The following CHD8 variants were observed in gnomAD, a reference collection of about 807,000 sequenced individuals.
The protein encoded by CHD8 is chromodomain helicase DNA binding protein 8.
Under a neutral mutation model 279.2 loss-of-function variants are expected in CHD8, and 31 were observed. That is an observed-to-expected ratio of 0.11 (90% CI 0.08 to 0.15). The LOEUF (loss-of-function observed/expected upper bound fraction) is 0.15, where lower values mean the gene tolerates loss of function less well. Among genes scored for constraint, CHD8 ranks in the 10% least tolerant of loss-of-function variants. CHD8 has a pLI of 1.00. For synonymous variants in CHD8, 1,081 were observed against 1,139.6 expected, an observed-to-expected ratio of 0.95 and a Z score of 1.04; for missense variants, 2,146 against 3,230.5, an observed-to-expected ratio of 0.66 and a Z score of 8.14.
intron 37 of CHD8, among the ~76,000 whole-genome samples, chr14:21,386,664 G>C (rs373431130): frequency 0.015 from 2,328 of 152,038 alleles, 22 homozygotes; most frequent in Non-Finnish European, 0.025. Flanking sequence ...GGTGAAACCC[G>C]GTCTCTACTA....
rs1337936238 is a variant in CHD8, at chr14:21,394,287, T to C, written c.5589A>G (p.Ala1863=). The C allele has an allele frequency of 8.7e-6, 14 of 1,613,852 alleles. No individual in the cohort carries two copies. Among genetic ancestry groups the C allele is most frequent in the Non-Finnish European group, 1.2e-5 (14 of 1,179,886 alleles). ...MCRQVCRLPP[A]AGDEPPDPNL... is the part of the protein sequence containing the mutation. ...TGCAATCTTGCTTACCATCTCCAGC[T>C]GCTGGGGGAAGGCGGCATACTTGGC... The change falls in exon 31 of 38, where the codon GCA becomes GCG. Residue 1863 remains alanine, a synonymous_variant. Transcript: ENST00000646647.
Position 21,414,084 on chromosome 14 carries a change from G to A in CHD8, c.2142+217C>T, listed in dbSNP as rs919916998. The A allele has an allele frequency of 8.4e-6, 4 of 478,000 alleles. No individual in the cohort carries two copies. The Admixed American group carries it at 1.1e-4, about 13-fold the overall frequency. 29.6% of individuals were successfully genotyped at this position (478,000 alleles called of 1,614,324 possible). A position where few individuals can be genotyped will look rare whatever the true frequency, so the allele number is the denominator to read the frequency against. ...TACTTCATGTGCATTGAGGAAATCA[G>A]TTTCAAAATATCCTATAACTAATAA... On this transcript the variant is annotated intron_variant, in intron 9 of 37. Transcript: ENST00000646647.
chr14:21,441,622 C>G (rs562476024), intron 1 of CHD8, among the ~76,000 whole-genome samples: 18 of 151,932 alleles, frequency 1.2e-4, no homozygotes, highest in African/African-American at 2.7e-4. Context: ...GGCGTGGTGG[C>G]TCATGCCTGT....
chr14:21,452,128 C>T (rs1435174804), intron 1 of CHD8, among the ~76,000 whole-genome samples: 1 of 152,098 alleles, frequency 6.6e-6, no homozygotes, highest in African/African-American at 2.4e-5. Flanking sequence ...GCCATCTCCG[C>T]CTCCCTGGTT....
In CHD8 at chr14:21,431,119, C is replaced by T. The variant is rs1456572280; in HGVS notation, c.525G>A (p.Val175=). 6.3e-7 allele frequency: 1 copy of T among 1,599,066 alleles called. No homozygotes were observed. Among genetic ancestry groups the T allele is most frequent in the East Asian group, 2.2e-5 (1 of 44,864 alleles). The change falls in exon 2 of 38, where the codon GTG becomes GTA. Residue 175 remains valine, a synonymous_variant. Coordinates refer to ENST00000646647, the MANE Select transcript of CHD8 (RefSeq NM_001170629.2). ...TGATACCTTGGGCCTGAATTTGTGC[C>T]ACATGGGCACCAGTGACTGAGGAGC... The part of the protein sequence containing the change: ...PPSSSVTGAH[V]AQIQAQGITS...
rs947851919 is a variant in CHD8 at position 21,414,968 on chromosome 14, G to A, written c.1994C>T (p.Ala665Val). The A allele has an allele frequency of 1.3e-6, 2 of 1,599,848 alleles. No individual in the cohort carries two copies. Among genetic ancestry groups the A allele is most frequent in the Non-Finnish European group, 1.7e-6 (2 of 1,171,962 alleles). The change falls in exon 8 of 38, where the codon GCA becomes GTA. Residue 665 changes from alanine to valine, a missense_variant. Ala to Val is a moderately conservative substitution (Grantham distance 64, BLOSUM62 0). This residue lies in a region of CHD8 where 24 missense variants were observed against 56.7 expected (regional missense o/e 0.42). Transcript: ENST00000646647. Reference protein sequence around the residue: ...KELPSGQYTEAEEFFVKYKNY... With the variant: ...KELPSGQYTEVEEFFVKYKNY... ...CTTGTACTTGACAAAGAATTCTTCT[G>A]CTTCAGTATATTGTCCAGAAGGGAG...
chr14:21,436,574 T>C (rs1889787266), intron 1 of CHD8, among the ~76,000 whole-genome samples: 1 of 152,140 alleles, frequency 6.6e-6, no homozygotes, highest in Non-Finnish European at 1.5e-5. Flanking sequence ...CCTAGGCCAT[T>C]TTCTCTGTCT....
At chr14:21,387,626 G>C (rs1228269520) in intron 37 of CHD8, among the ~76,000 whole-genome samples, 4 of 123,474 alleles carry the variant, frequency 3.2e-5, no homozygotes, top group Admixed American at 8.9e-5. Context: ...CAACAAGAGT[G>C]AAACTCTGTA....
In CHD8 at chr14:21,431,545, A is replaced by C; in HGVS notation, c.99T>G (p.Ile33Met). ...AGCTTGGCAGTCCAAGGGCTTCCTC[A>C]ATGGGGTCTTGTGTGACCTGGTTAA... ...DSFNQVTQDP[I>M]EEALGLPSSL... Residue 33 changes from isoleucine (I) to methionine (M), a missense_variant, in exon 2 of 38, where the codon ATT becomes ATG. By Grantham distance (10) the Ile-to-Met change is conservative (BLOSUM62 1). Transcript: ENST00000646647. The C allele has an allele frequency of 6.5e-7, 1 of 1,537,208 alleles. No individual in the cohort carries two copies. Among genetic ancestry groups the C allele is most frequent in the Non-Finnish European group, 8.7e-7 (1 of 1,146,892 alleles).
intron 1 of CHD8, among the ~76,000 whole-genome samples, chr14:21,433,267 T>C (rs1016039374): frequency 1.1e-4 from 16 of 152,210 alleles, no homozygotes; most frequent in African/African-American, 3.4e-4. Flanking sequence ...AAACATGTCT[T>C]ATGAATGGCT....
intron 1 of CHD8, among the ~76,000 whole-genome samples, chr14:21,440,493 C>T (rs1257483557): frequency 6.6e-6 from 1 of 152,138 alleles, no homozygotes; most frequent in Non-Finnish European, 1.5e-5. Flanking sequence ...AGGTGTGAGC[C>T]ACCGCATCCA....
chr14:21,427,680 G>T (rs1441629907), intron 4 of CHD8, 189 bp downstream of exon 4: 3 of 1,492,746 alleles, frequency 2.0e-6, no homozygotes, highest in Non-Finnish European at 2.7e-6. Flanking sequence ...ATAGCAAGGA[G>T]TACTCACTTG....
intron 36 of CHD8, 132 bp downstream of exon 36, chr14:21,391,331 G>C (rs1213454468): frequency 1.2e-6 from 1 of 856,120 alleles, no homozygotes; most frequent in African/African-American, 1.7e-5. Context: ...TGGAAGACTG[G>C]GTATTATTAA....
chr14:21,452,031 G>C (rs549564338), intron 1 of CHD8, among the ~76,000 whole-genome samples: 1 of 152,132 alleles, frequency 6.6e-6, no homozygotes, highest in Non-Finnish European at 1.5e-5. Flanking sequence ...ACAAAATCTA[G>C]AATGCAGTAA....
In CHD8 at chr14:21,402,303, C is replaced by T; in HGVS notation, c.3882+33G>A. On this transcript the variant is annotated intron_variant, in intron 19 of 37. Coordinates refer to ENST00000646647, the MANE Select transcript of CHD8 (RefSeq NM_001170629.2). This position sits in a 1 kb window ranked among gnomAD's most constrained non-coding sequence, Gnocchi z 4.5. ...TGTTTCCCTCTATCACAATGATCTACTACAAACTTATCTATAAACTAAGAG... is the reference window on the plus strand; with the variant it reads ...TGTTTCCCTCTATCACAATGATCTATTACAAACTTATCTATAAACTAAGAG... 6.2e-7 allele frequency: 1 copy of T among 1,611,356 alleles called. No homozygotes were observed. Among genetic ancestry groups the T allele is most frequent in the Middle Eastern group, 1.7e-4 (1 of 6,060 alleles).
intron 1 of CHD8, among the ~76,000 whole-genome samples, chr14:21,449,042 C>A (rs923616193): frequency 6.6e-6 from 1 of 151,794 alleles, no homozygotes; most frequent in African/African-American, 2.4e-5. Flanking sequence ...GGCGTGGTGG[C>A]GGGCGCCTGT....
At position 21,452,982 on chromosome 14, in the gene CHD8, CAA is replaced by C. The variant is rs796504555; in HGVS notation, c.-216+3048_-216+3049del. On this transcript the variant is annotated intron_variant, in intron 1 of 37. Coordinates refer to ENST00000646647, the MANE Select transcript of CHD8 (RefSeq NM_001170629.2). ...TGGGTGACACAGCGAGACTCCATCTCAAAAAAAAAAAAAGAAAACAAAAAACA... is the reference window on the plus strand; with the variant it reads ...TGGGTGACACAGCGAGACTCCATCTCAAAAAAAAAAAGAAAACAAAAAACA... Among the ~76,000 whole-genome samples, 8 of 127,796 alleles carry C rather than the reference CAA, an allele frequency of 6.3e-5. 1 individual carries two copies. The highest frequency in any genetic ancestry group is 8.6e-5 in the African/African-American group (3 of 35,054). 83.8% of individuals were successfully genotyped at this position (127,796 alleles called of 152,430 possible).
At position 21,403,428 on chromosome 14, in the gene CHD8, C is replaced by A; in HGVS notation, c.3518+25G>T. ...CTGCTTTATGAGGACAGAGTAACCA[C>A]AGGCTAGGATGACTCTTTTCTTACC... On this transcript the variant is annotated intron_variant, in intron 17 of 37. Transcript: ENST00000646647. This position sits in a 1 kb window ranked among gnomAD's most constrained non-coding sequence, Gnocchi z 4.3. 1 of 1,568,360 alleles carries A rather than the reference C, an allele frequency of 6.4e-7. No individual in the cohort carries two copies. Among genetic ancestry groups the A allele is most frequent in the Non-Finnish European group, 8.8e-7 (1 of 1,142,664 alleles).
At chr14:21,455,472 C>A (rs547496633) in intron 1 of CHD8, among the ~76,000 whole-genome samples, 15 of 152,254 alleles carry the variant, frequency 9.9e-5, no homozygotes, top group African/African-American at 3.4e-4. Context: ...CTCTTCCCAC[C>A]ATCTCTAAAC....
Sources: gnomAD v4.1 joint callset for allele counts (sites outside exome capture counted in the v4.1 genomes callset) on GRCh38, gnomAD v4.1.1 for gene constraint, gnomAD v4.1.1 regional missense constraint, Gnocchi (gnomAD v3.1) non-coding constraint, MANE v1.5 for transcripts, NCBI Gene and HGNC (gene_info 2026-07-23, HGNC 2026-07-21) for gene names.